Variants in FHAD1 observed in about 807,000 individuals in gnomAD.
The protein encoded by FHAD1 is forkhead-associated domain-containing protein 1.
Under a neutral mutation model 191.3 loss-of-function variants are expected in FHAD1, and 146 were observed. That is an observed-to-expected ratio of 0.76 (90% confidence interval 0.67 to 0.88). The LOEUF is 0.88. Among genes scored for constraint, FHAD1 ranks in the 40% least tolerant of loss-of-function variants. The pLI, the probability that FHAD1 is intolerant of heterozygous loss-of-function variation, is 0.00. For missense variants in FHAD1, 1,635 were observed against 1,785.8 expected (o/e 0.92, Z 1.52); for synonymous variants, 616 against 672.3 (o/e 0.92, Z 1.29).
intron 4 of FHAD1, among the ~76,000 whole-genome samples, chr1:15,292,138 CTTTTCTTTTCTTT>C (rs138576295): frequency 0.024 from 3,714 of 152,058 alleles, 163 homozygotes; most frequent in African/African-American, 0.085. Context: ...TTCCTTCCTT[CTTTTCTTTTCTTT>C]TTTTCTTTCT....
chr1:15,302,744 T>C (rs1057268677), intron 6 of FHAD1, among the ~76,000 whole-genome samples: 5 of 152,090 alleles, frequency 3.3e-5, no homozygotes, highest in African/African-American at 1.2e-4. Context: ...GTCAGTGATA[T>C]TGTATATCAG....
rs1675154934 is a variant in FHAD1 at position 15,318,335 on chromosome 1, A to G, written c.1365+407A>G. ...CCATAACAGTAGCCACTAACCGCGC[A>G]TGGCTATTTACATTTAAATTAAAGC... On this transcript the variant is annotated intron_variant, in intron 10 of 33. Coordinates refer to ENST00000688493, the MANE Select transcript of FHAD1 (RefSeq NM_001391957.1). This position sits in a 1 kb window ranked among gnomAD's most constrained non-coding sequence, Gnocchi z 4.1. 6.6e-6 allele frequency among the ~76,000 whole-genome samples: 1 copy of G among 152,326 alleles called. No homozygotes were observed. Among genetic ancestry groups the G allele is most frequent in the African/African-American group, 2.4e-5 (1 of 41,584 alleles).
At position 15,396,981 on chromosome 1, in the gene FHAD1, A is replaced by G. The variant is rs575414060; in HGVS notation, c.4324-316A>G. Among the ~76,000 whole-genome samples the G allele has an allele frequency of 2.7e-3, 403 of 150,344 alleles. 1 individual carries two copies. Among genetic ancestry groups the G allele is most frequent in the African/African-American group, 9.4e-3 (384 of 40,806 alleles). The stretch of plus-strand genomic sequence containing the variant: ...GGGCGGATCACGAGGTCAGGAGATC[A>G]AGACCATCCTGGCTAACACGGTGAA... On this transcript the variant is annotated intron_variant, in intron 33 of 33. Coordinates refer to ENST00000688493, the MANE Select transcript of FHAD1 (RefSeq NM_001391957.1).
At chr1:15,370,141 G>A (rs1697665614) in intron 26 of FHAD1, among the ~76,000 whole-genome samples, 3 of 151,414 alleles carry the variant, frequency 2.0e-5, no homozygotes, top group Admixed American at 2.0e-4. Flanking sequence ...CACACCTGAC[G>A]AATTTTTGTA....
rs533310005 is a variant in FHAD1, at chr1:15,301,306, A to G, written c.780A>G (p.Glu260=). Residue 260 remains glutamate, a synonymous_variant, in exon 6 of 34, where the codon GAA becomes GAG. Transcript: ENST00000688493. ...TCATAATAGCAAACCTGCAGAATGA[A>G]GTGGCTGAGCTGAGTCAGAAGGTGT... ...KDVIIANLQN[E]VAELSQKVSE... is the part of the protein sequence containing the mutation. The G allele has an allele frequency of 6.4e-7, 1 of 1,551,800 alleles. No individual in the cohort carries two copies. The highest frequency in any genetic ancestry group is 2.4e-5 in the East Asian group (1 of 40,914).
chr1:15,342,588 T>C (rs1687189695), intron 16 of FHAD1, among the ~76,000 whole-genome samples: 1 of 152,142 alleles, frequency 6.6e-6, no homozygotes, highest in Non-Finnish European at 1.5e-5. Flanking sequence ...CCAGACCCAT[T>C]AAATCAGAAC....
intron 5 of FHAD1, among the ~76,000 whole-genome samples, chr1:15,300,810 TC>T (rs1406196633): frequency 2.0e-5 from 3 of 152,212 alleles, no homozygotes; most frequent in Admixed American, 6.5e-5. Context: ...GCCCTTACTT[TC>T]CCAAAATAAT....
downstream of FHAD1, among the ~76,000 whole-genome samples, chr1:15,398,923 C>T (rs181537352): frequency 3.0e-3 from 453 of 152,112 alleles, 1 homozygote; most frequent in African/African-American, 0.01. Context: ...CAGGTTCAAG[C>T]CATTCTTCAG....
intron 19 of FHAD1, among the ~76,000 whole-genome samples, chr1:15,350,036 C>G (rs1690279024): frequency 6.6e-6 from 1 of 152,250 alleles, no homozygotes; most frequent in South Asian, 2.1e-4. Flanking sequence ...GGCACAGACA[C>G]ACACGTGCCA....
chr1:15,346,964 T>C (rs1324462183), intron 18 of FHAD1, among the ~76,000 whole-genome samples: 1 of 152,226 alleles, frequency 6.6e-6, no homozygotes, highest in Non-Finnish European at 1.5e-5. Context: ...TTCTTCTGTT[T>C]GGGCATTTGT....
intron 6 of FHAD1, chr1:15,305,733 C>A (rs189215311): frequency 1.4e-4 from 62 of 444,008 alleles, no homozygotes; most frequent in African/African-American, 1.2e-3. Context: ...GCTTTTGCTT[C>A]TTCCGCATTT....
intron 2 of FHAD1, among the ~76,000 whole-genome samples, chr1:15,263,786 G>A (rs937392032): frequency 2.0e-5 from 3 of 152,200 alleles, no homozygotes; most frequent in Admixed American, 6.5e-5. Context: ...CTCCCAAAGT[G>A]CTGGGATTAC....
chr1:15,279,135 G>A (rs12063785), intron 3 of FHAD1, among the ~76,000 whole-genome samples: 2,843 of 152,198 alleles, frequency 0.019, 85 homozygotes, highest in African/African-American at 0.065. Flanking sequence ...ACTCTTACAA[G>A]TTTAAAGGTA....
In FHAD1 at chr1:15,262,768, C is replaced by T. The variant is rs142911803; in HGVS notation, c.94-9555C>T. 1.3e-5 allele frequency among the ~76,000 whole-genome samples: 2 copies of T among 152,182 alleles called. 1 individual carries two copies. On this transcript the variant is annotated intron_variant, in intron 2 of 33. Coordinates refer to ENST00000688493, the MANE Select transcript of FHAD1 (RefSeq NM_001391957.1). The stretch of plus-strand genomic sequence containing the variant: ...AATGTGAATAATGCTGCTAGGAACA[C>T]GACTGTACAAATGTCTCTTTGAGAC...
intron 33 of FHAD1, 67 bp from the exon 34 acceptor site, chr1:15,397,230 A>G: frequency 1.4e-6 from 1 of 701,454 alleles, no homozygotes; most frequent in Non-Finnish European, 2.3e-6. Context: ...TAACAAAACC[A>G]CTTGAGTGGA....
chr1:15,402,042 T>C (rs574381571), downstream of FHAD1, among the ~76,000 whole-genome samples: 1 of 152,368 alleles, frequency 6.6e-6, no homozygotes, highest in East Asian at 1.9e-4. Flanking sequence ...TTTAGCAAAC[T>C]GTTTTCCTTT....
chr1:15,368,942 T>TA (rs1184934061), intron 25 of FHAD1, among the ~76,000 whole-genome samples: 2,894 of 146,322 alleles, frequency 0.02, 76 homozygotes, highest in African/African-American at 0.066. Flanking sequence ...AAACTCCATC[T>TA]AAAAAAAAAA....
intron 27 of FHAD1, among the ~76,000 whole-genome samples, chr1:15,375,393 G>A (rs1213274280): frequency 1.3e-5 from 2 of 152,122 alleles, no homozygotes; most frequent in African/African-American, 4.8e-5. Flanking sequence ...TGGTCTCGGC[G>A]CTGATACCTG....
At chr1:15,313,430 G>C (rs79291577) in intron 8 of FHAD1, among the ~76,000 whole-genome samples, 1 of 152,166 alleles carries the variant, frequency 6.6e-6, no homozygotes, top group African/African-American at 2.4e-5. Flanking sequence ...AGATCGGCGT[G>C]CACGTGCCCC....
Sources: allele counts gnomAD v4.1 joint callset (sites outside exome capture counted in the v4.1 genomes callset), GRCh38; gene constraint gnomAD v4.1.1; non-coding constraint Gnocchi (gnomAD v3.1); transcripts MANE v1.5; gene names NCBI Gene and HGNC (gene_info 2026-07-23, HGNC 2026-07-21).